The following KNG1 variants were observed in gnomAD, a reference collection of about 807,000 sequenced individuals.
KNG1 encodes the protein kininogen 1, also known as kininogen-1.
In KNG1, 23 loss-of-function variants were observed where a neutral mutation model predicts 47.8. The observed-to-expected ratio is 0.48, with a 90% confidence interval of 0.35 to 0.68. The LOEUF is 0.68. Among genes scored for constraint, KNG1 ranks in the 30% least tolerant of loss-of-function variants. KNG1 has a pLI of 0.01. For missense variants in KNG1, 762 were observed against 790.2 expected (o/e 0.96, Z 0.43); for synonymous variants, 277 against 277.0 (o/e 1.00, Z 0.00).
At chr3:186,726,725 A>G (rs942613594) in intron 4 of KNG1, among the ~76,000 whole-genome samples, 4 of 152,144 alleles carry the variant, frequency 2.6e-5, no homozygotes, top group African/African-American at 9.7e-5. Context: ...GCTTTACTCA[A>G]TTATGTCCGT....
intron 9 of KNG1, among the ~76,000 whole-genome samples, chr3:186,741,030 G>A (rs1355837204): frequency 6.6e-6 from 1 of 151,464 alleles, no homozygotes; most frequent in South Asian, 2.1e-4. Flanking sequence ...CAGAGTCACT[G>A]TCGCCTAGGC....
At chr3:186,732,182 G>A (rs573346538) in intron 6 of KNG1, among the ~76,000 whole-genome samples, 2 of 152,326 alleles carry the variant, frequency 1.3e-5, no homozygotes, top group East Asian at 3.9e-4. Context: ...CTTTTCTCAT[G>A]AGAGTCACTC....
intron 7 of KNG1, 115 bp from the exon 8 acceptor site, chr3:186,738,984 A>T: frequency 2.4e-6 from 2 of 844,550 alleles, no homozygotes; most frequent in South Asian, 3.0e-5. Flanking sequence ...TTTGTATGTA[A>T]CTCTCTAAGT....
chr3:186,720,805 T>TTTTG (rs1553790786), intron 2 of KNG1, among the ~76,000 whole-genome samples: 86 of 140,072 alleles, frequency 6.1e-4, no homozygotes, highest in Middle Eastern at 3.7e-3. Flanking sequence ...TTTTTTTTTT[T>TTTTG]TTGAGCCAGA....
chr3:186,725,252 C>T lies in KNG1; in HGVS notation c.556C>T (p.Gln186Ter). The change falls in exon 4 of 10, where the codon CAA (glutamine) becomes TAA (stop). Residue 186 changes from glutamine to a stop codon, truncating the protein, a stop_gained. Transcript: ENST00000644859. LOFTEE classifies it high-confidence loss of function. Reference protein sequence around the residue: ...LFMLNEVKRAQRQVVAGLNFR... With the variant: ...LFMLNEVKRA ...CATGCTTAATGAAGTAAAACGGGCC[C>T]AAAGACAGGTTTGTTCTTTAATTCT... is the stretch of plus-strand genomic sequence containing the variant. The T allele has an allele frequency of 6.2e-7, 1 of 1,613,866 alleles. No individual in the cohort carries two copies. Among genetic ancestry groups the T allele is most frequent in the Non-Finnish European group, 8.5e-7 (1 of 1,179,830 alleles).
chr3:186,720,883 A>G (rs5029986), intron 2 of KNG1, among the ~76,000 whole-genome samples: 62,571 of 144,650 alleles, frequency 0.43, 13,565 homozygotes, highest in South Asian at 0.61. Flanking sequence ...TCTGCCTTCC[A>G]GGTTCACGCC....
chr3:186,731,443 T>G (rs1579123052), intron 5 of KNG1, 102 bp from the exon 6 acceptor site: 1 of 726,804 alleles, frequency 1.4e-6, no homozygotes, highest in East Asian at 2.7e-5. Context: ...TATGCAATGA[T>G]TTGGAAAGTA....
chr3:186,729,678 C>CTTTT lies in KNG1; in HGVS notation c.673-1859_673-1856dup, dbSNP rs33934143. On this transcript the variant is annotated intron_variant, in intron 5 of 9. Transcript: ENST00000644859. ...TGCTAGAAATGTAATGTAGGCTTTT[C>CTTTT]TTTTTTTTTTTGAGACTGAGTTTTG... Among the ~76,000 whole-genome samples, 147 of 148,844 alleles carry CTTTT rather than the reference C, an allele frequency of 9.9e-4. 1 individual carries two copies. Among genetic ancestry groups the CTTTT allele is most frequent in the South Asian group, 2.1e-3 (10 of 4,710 alleles).
intron 3 of KNG1, among the ~76,000 whole-genome samples, 153 bp from the exon 4 acceptor site, chr3:186,724,935 T>C (rs1276876114): frequency 6.6e-6 from 1 of 152,178 alleles, no homozygotes; most frequent in Non-Finnish European, 1.5e-5. Flanking sequence ...GGTCTCGAAC[T>C]CCTGACCTCA....
intron 3 of KNG1, among the ~76,000 whole-genome samples, chr3:186,722,761 AG>A (rs892790123): frequency 2.6e-5 from 4 of 152,210 alleles, no homozygotes; most frequent in African/African-American, 4.8e-5. Context: ...AGTGTGTGCA[AG>A]GGCTCAACAG....
intron 1 of KNG1, among the ~76,000 whole-genome samples, 183 bp from the exon 2 acceptor site, chr3:186,719,922 C>T (rs1293556140): frequency 6.6e-6 from 1 of 152,032 alleles, no homozygotes; most frequent in Non-Finnish European, 1.5e-5. Flanking sequence ...TTTAAAAGTA[C>T]ATTGTGAATA....
Position 186,730,723 on chromosome 3 carries a change from C to T in KNG1, c.673-822C>T, listed in dbSNP as rs1276685559. On this transcript the variant is annotated intron_variant, in intron 5 of 9. Coordinates refer to ENST00000644859, the MANE Select transcript of KNG1 (RefSeq NM_001102416.3). ...ATATATATATATATATATACACACA[C>T]ACACACATATATATATACACATATA... Among the ~76,000 whole-genome samples, 8 of 115,636 alleles carry T rather than the reference C, an allele frequency of 6.9e-5. No individual in the cohort carries two copies. The South Asian group carries it at 1.9e-3, about 27-fold the overall frequency. 75.9% of individuals were successfully genotyped at this position (115,636 alleles called of 152,430 possible). A position where few individuals can be genotyped will look rare whatever the true frequency, so the allele number is the denominator to read the frequency against.
At position 186,720,070 on chromosome 3, in the gene KNG1, T is replaced by G. The variant is rs201978371; in HGVS notation, c.196-35T>G. On this transcript the variant is annotated intron_variant, in intron 1 of 9. Coordinates refer to ENST00000644859, the MANE Select transcript of KNG1 (RefSeq NM_001102416.3). ...TAGAATTATTTGCTGTTGGGTCAGT[T>G]GGATGAACCCTAAGTATCTTTGGCT... The G allele has an allele frequency of 1.3e-4, 178 of 1,409,434 alleles. 2 individuals are homozygous for G. The African/African-American group carries it at 2.2e-3, about 17-fold the overall frequency. 87.3% of individuals were successfully genotyped at this position (1,409,434 alleles called of 1,614,324 possible).
chr3:186,722,844 A>G (rs965005435), intron 3 of KNG1, among the ~76,000 whole-genome samples: 1 of 152,154 alleles, frequency 6.6e-6, no homozygotes, highest in African/African-American at 2.4e-5. Context: ...ATAGGCTTTG[A>G]GGGCAGACCT....
In KNG1 at chr3:186,741,880, A is replaced by G. The variant is rs779377998; in HGVS notation, c.1484A>G (p.His495Arg). 1.2e-6 allele frequency: 2 copies of G among 1,613,914 alleles called. No homozygotes were observed. The highest frequency in any genetic ancestry group is 1.3e-5 in the African/African-American group (1 of 74,946). Residue 495 changes from histidine to arginine, a missense_variant, in exon 10 of 10, where the codon CAT becomes CGT. By Grantham distance (29) the His-to-Arg change is conservative (BLOSUM62 0). Transcript: ENST00000644859. The part of the protein sequence containing the change: ...HQGGHVLDHG[H>R]KHKHGHGHGK... ...GGGGGCCATGTCCTTGACCATGGAC[A>G]TAAGCATAAGCATGGTCATGGCCAC...
In KNG1 at chr3:186,742,250, C is replaced by T. The variant is rs778808780; in HGVS notation, c.1854C>T (p.Pro618=). The change falls in exon 10 of 10, where the codon CCC becomes CCT. Residue 618 remains proline, a synonymous_variant. Coordinates refer to ENST00000644859, the MANE Select transcript of KNG1 (RefSeq NM_001102416.3). ...CCTCCCCAAAATGTCCTGGACGCCC[C>T]TGGAAGTCAGTTAGTGAAATTAATC... ...DTTSPKCPGR[P]WKSVSEINPT... 3 of 1,614,218 alleles carry T rather than the reference C, an allele frequency of 1.9e-6. No homozygotes were observed. The highest frequency in any genetic ancestry group is 2.5e-6 in the Non-Finnish European group (3 of 1,180,032).
chr3:186,742,904 AG>A lies in KNG1; in HGVS notation c.*574del. ...CTGTCTCAGAAAAAAAGAAAAAAAAAGAAATAATAAGAAAAACTTCCAGATT... is the reference window on the plus strand; with the variant it reads ...CTGTCTCAGAAAAAAAGAAAAAAAAAAAATAATAAGAAAAACTTCCAGATT... On this transcript the variant is annotated 3_prime_UTR_variant, in exon 10 of 10. Transcript: ENST00000644859. 1.0e-6 allele frequency: 1 copy of A among 979,306 alleles called. No individual in the cohort carries two copies. Among genetic ancestry groups the A allele is most frequent in the Non-Finnish European group, 1.2e-6 (1 of 824,340 alleles). 60.7% of individuals were successfully genotyped at this position (979,306 alleles called of 1,614,324 possible). A position where few individuals can be genotyped will look rare whatever the true frequency, so the allele number is the denominator to read the frequency against.
Position 186,725,154 on chromosome 3 carries a change from G to C in KNG1, c.458G>C (p.Ser153Thr), listed in dbSNP as rs761095864. 2.0e-5 allele frequency: 32 copies of C among 1,614,000 alleles called. No homozygotes were observed. Among genetic ancestry groups the C allele is most frequent in the Non-Finnish European group, 2.7e-5 (32 of 1,180,032 alleles). Residue 153 changes from serine to threonine, a missense_variant, in exon 4 of 10, where the codon AGC becomes ACC. Transcript: ENST00000644859. Reference sequence around the variant, plus strand: ...TGTGTGCATCCTATATCAACGCAGAGCCCAGACCTGGAGCCCATTCTGAGA... The same window carrying C: ...TGTGTGCATCCTATATCAACGCAGACCCCAGACCTGGAGCCCATTCTGAGA... ...LGCVHPISTQ[S>T]PDLEPILRHG... is the part of the protein sequence containing the mutation.
At chr3:186,720,260 C>G (rs1455215295) in intron 2 of KNG1, 45 bp downstream of exon 2, 2 of 1,276,284 alleles carry the variant, frequency 1.6e-6, no homozygotes, top group Admixed American at 1.8e-5. Context: ...TCTCCGTTGA[C>G]CCTGCCAGAT....
Sources: gnomAD v4.1 joint callset for allele counts (sites outside exome capture counted in the v4.1 genomes callset) on GRCh38, gnomAD v4.1.1 for gene constraint, MANE v1.5 for transcripts, NCBI Gene and HGNC (gene_info 2026-07-23, HGNC 2026-07-21) for gene names.